The following TNNI3K variants were observed in gnomAD, a reference collection of about 807,000 sequenced individuals.
TNNI3K encodes the protein serine/threonine-protein kinase TNNI3K.
A neutral mutation model predicts 114.5 loss-of-function variants in TNNI3K; 140 were observed. The observed-to-expected ratio is 1.22, with a 90% CI of 1.07 to 1.41. The LOEUF is 1.41. Ranked by LOEUF, TNNI3K falls within the 40% of genes most tolerant of loss-of-function variation. The pLI, the probability that TNNI3K is intolerant of heterozygous loss-of-function variation, is 0.00. For synonymous variants in TNNI3K, 347 were observed against 347.5 expected, an observed-to-expected ratio of 1.00 and a Z score of 0.02; for missense variants, 1,125 against 1,007.6, an observed-to-expected ratio of 1.12 and a Z score of -1.58.
At chr1:74,300,133 A>C (rs1658233011) in intron 5 of TNNI3K, among the ~76,000 whole-genome samples, 1 of 152,144 alleles carries the variant, frequency 6.6e-6, no homozygotes, top group South Asian at 2.1e-4. Context: ...CATAATTTTC[A>C]AGAAGCAGAA....
chr1:74,351,754 C>T lies in TNNI3K; in HGVS notation c.933-1512C>T, dbSNP rs541319436. On this transcript the variant is annotated intron_variant, in intron 9 of 24. Coordinates refer to ENST00000326637, the MANE Select transcript of TNNI3K (RefSeq NM_015978.3). ...ACTGATACCCTTTCTTCCAGTTGAT[C>T]GCATCGGTTACTGAGGCTTGTGCAT... Among the ~76,000 whole-genome samples the T allele has an allele frequency of 1.2e-4, 19 of 152,246 alleles. 1 individual carries two copies. In the East Asian group the frequency reaches 3.1e-3, roughly 25 times the overall value.
intron 9 of TNNI3K, among the ~76,000 whole-genome samples, chr1:74,352,977 G>A (rs1342634125): frequency 3.3e-5 from 5 of 152,074 alleles, no homozygotes; most frequent in South Asian, 2.1e-4. Context: ...CCACTGTCCC[G>A]CACTCCCCAG....
chr1:74,446,139 A>C (rs1419548523), intron 20 of TNNI3K, among the ~76,000 whole-genome samples: 1 of 152,098 alleles, frequency 6.6e-6, no homozygotes, highest in African/African-American at 2.4e-5. Context: ...TGGTTTAACT[A>C]GTTTACAGTC....
intron 5 of TNNI3K, among the ~76,000 whole-genome samples, chr1:74,275,802 T>A (rs1010755488): frequency 1.3e-5 from 2 of 152,042 alleles, no homozygotes; most frequent in Non-Finnish European, 2.9e-5. Context: ...ATTACTGTGG[T>A]TTACAATGTA....
At chr1:74,247,145 TC>T (rs1288065029) in intron 2 of TNNI3K, among the ~76,000 whole-genome samples, 1 of 152,172 alleles carries the variant, frequency 6.6e-6, no homozygotes, top group Non-Finnish European at 1.5e-5. Flanking sequence ...AGATGGTGTG[TC>T]CGGGGTTTGT....
intron 5 of TNNI3K, among the ~76,000 whole-genome samples, chr1:74,284,678 T>C (rs1196989549): frequency 6.6e-6 from 1 of 152,242 alleles, no homozygotes; most frequent in Non-Finnish European, 1.5e-5. Flanking sequence ...CTCTTTTCTC[T>C]GCCCTAAAGC....
intron 17 of TNNI3K, among the ~76,000 whole-genome samples, chr1:74,425,821 T>C (rs1176711787): frequency 6.6e-6 from 1 of 151,984 alleles, no homozygotes; most frequent in East Asian, 1.9e-4. Context: ...CTAGAGGGTA[T>C]TCTGGGGACA....
intron 11 of TNNI3K, among the ~76,000 whole-genome samples, chr1:74,360,002 C>G (rs922229253): frequency 6.6e-6 from 1 of 151,806 alleles, no homozygotes; most frequent in Non-Finnish European, 1.5e-5. Flanking sequence ...TTACTTTTTC[C>G]TCCTCAACTT....
At chr1:74,338,309 T>G (rs1660583467) in intron 7 of TNNI3K, among the ~76,000 whole-genome samples, 1 of 152,004 alleles carries the variant, frequency 6.6e-6, no homozygotes, top group Non-Finnish European at 1.5e-5. Flanking sequence ...TAGAAGGACT[T>G]CAGAATCAGT....
At chr1:74,332,482 A>T (rs530726133) in intron 6 of TNNI3K, among the ~76,000 whole-genome samples, 20 of 151,966 alleles carry the variant, frequency 1.3e-4, no homozygotes, top group Admixed American at 3.3e-4. Context: ...TTGTATATTT[A>T]GTAGAGACGG....
In TNNI3K at chr1:74,302,543, A is replaced by T. The variant is rs529315023; in HGVS notation, c.445-28907A>T. On this transcript the variant is annotated intron_variant, in intron 5 of 24. Transcript: ENST00000326637. ...AAGGAAAAATTCTTGAGGAAAATTG[A>T]AAGTGTTATTCCAGTGCACATATGA... 2.6e-4 allele frequency among the ~76,000 whole-genome samples: 40 copies of T among 152,348 alleles called. No individual in the cohort carries two copies. In the South Asian group the frequency reaches 3.9e-3, roughly 15 times the overall value.
At chr1:74,339,687 G>A (rs1206780889) in intron 7 of TNNI3K, among the ~76,000 whole-genome samples, 2 of 152,018 alleles carry the variant, frequency 1.3e-5, no homozygotes, top group East Asian at 1.9e-4. Flanking sequence ...GACCTATTCA[G>A]TTAGGTATGT....
At chr1:74,279,738 C>T (rs1415732491) in intron 5 of TNNI3K, among the ~76,000 whole-genome samples, 2 of 152,180 alleles carry the variant, frequency 1.3e-5, no homozygotes, top group Middle Eastern at 3.2e-3. Flanking sequence ...ATCATAATCA[C>T]TCATTGTGCA....
intron 23 of TNNI3K, among the ~76,000 whole-genome samples, chr1:74,532,458 TTTTC>T (rs1020735399): frequency 3.1e-4 from 34 of 108,120 alleles, no homozygotes; most frequent in Non-Finnish European, 3.4e-4. Context: ...ATTATTATTT[TTTTC>T]TTTTTTTTCT....
chr1:74,340,149 A>G (rs1158251559), intron 7 of TNNI3K, among the ~76,000 whole-genome samples: 1 of 152,082 alleles, frequency 6.6e-6, no homozygotes, highest in East Asian at 1.9e-4. Context: ...GGAAAATTTT[A>G]TTTTATTTTT....
In TNNI3K at chr1:74,529,907, G is replaced by A. The variant is rs112604148; in HGVS notation, c.2352-10327G>A. 8.1e-3 allele frequency among the ~76,000 whole-genome samples: 1,238 copies of A among 152,254 alleles called. 28 individuals are homozygous for A. Among genetic ancestry groups the A allele is most frequent in the African/African-American group, 0.029 (1,196 of 41,558 alleles). ...GTTCTTCATTTTCTCTGCTTAGGGAGAGTGTCCTTAGAGCATGTCCTTTCT... is the reference window on the plus strand; with the variant it reads ...GTTCTTCATTTTCTCTGCTTAGGGAAAGTGTCCTTAGAGCATGTCCTTTCT... On this transcript the variant is annotated intron_variant, in intron 23 of 24. Transcript: ENST00000326637.
rs1039263192 is a variant in TNNI3K, at chr1:74,460,138, C to T, written c.2012-3303C>T. 5.3e-5 allele frequency among the ~76,000 whole-genome samples: 8 copies of T among 151,620 alleles called. No individual in the cohort carries two copies. In the East Asian group the frequency reaches 9.7e-4, roughly 18 times the overall value. ...TCGCCCAGGCTGGAGTGCAGTGGCA[C>T]GATCTCGACTCACTGCAACCTCTGC... On this transcript the variant is annotated intron_variant, in intron 20 of 24. Transcript: ENST00000326637.
At chr1:74,387,461 C>A (rs1396807451) in intron 17 of TNNI3K, among the ~76,000 whole-genome samples, 1 of 152,184 alleles carries the variant, frequency 6.6e-6, no homozygotes, top group Non-Finnish European at 1.5e-5. Flanking sequence ...GATTAAGCTT[C>A]ATAGCTAGGA....
At chr1:74,280,841 C>T (rs571541389) in intron 5 of TNNI3K, among the ~76,000 whole-genome samples, 1 of 152,284 alleles carries the variant, frequency 6.6e-6, no homozygotes, top group Non-Finnish European at 1.5e-5. Context: ...GAGACACCAG[C>T]GGTGGTGACC....
Sources: allele counts gnomAD v4.1 joint callset (sites outside exome capture counted in the v4.1 genomes callset), GRCh38; gene constraint gnomAD v4.1.1; transcripts MANE v1.5; gene names NCBI Gene and HGNC (gene_info 2026-07-23, HGNC 2026-07-21).